The following GRID2 variants were observed in gnomAD, a reference collection of about 807,000 sequenced individuals.
The protein encoded by GRID2 is glutamate ionotropic receptor delta type subunit 2.
In GRID2, 33 loss-of-function variants were observed where a neutral mutation model predicts 114.8. That is an observed-to-expected ratio of 0.29 (90% CI 0.22 to 0.38). The LOEUF is 0.38. Ranked by LOEUF, GRID2 falls within the 10% of genes least tolerant of loss-of-function variation. The pLI, the probability that GRID2 is intolerant of heterozygous loss-of-function variation, is 1.00. For missense variants in GRID2, 1,184 were observed against 1,257.7 expected (o/e 0.94, Z 0.89); for synonymous variants, 505 against 449.9 (o/e 1.12, Z -1.55).
chr4:92,496,580 A>G (rs891820566), intron 1 of GRID2, among the ~76,000 whole-genome samples: 1 of 151,858 alleles, frequency 6.6e-6, no homozygotes, highest in Non-Finnish European at 1.5e-5. Flanking sequence ...GAGAGATTTT[A>G]TAGAGCCTTT....
chr4:93,037,421 T>C (rs534135944), intron 2 of GRID2, among the ~76,000 whole-genome samples: 1 of 152,362 alleles, frequency 6.6e-6, no homozygotes, highest in South Asian at 2.1e-4. Context: ...TTCCTTTTGC[T>C]GTGCAGAAGC....
At chr4:93,245,239 GA>G (rs1232251145) in intron 8 of GRID2, among the ~76,000 whole-genome samples, 1 of 152,038 alleles carries the variant, frequency 6.6e-6, no homozygotes, top group Admixed American at 6.6e-5. Flanking sequence ...ATGAACTAAT[GA>G]ATACATGTGC....
intron 14 of GRID2, among the ~76,000 whole-genome samples, chr4:93,703,230 A>G (rs1727665281): frequency 6.6e-6 from 1 of 152,046 alleles, no homozygotes; most frequent in African/African-American, 2.4e-5. Context: ...TACTTTCCTA[A>G]TTCTTATTGA....
chr4:92,631,481 TTC>T (rs2149246275), intron 2 of GRID2, among the ~76,000 whole-genome samples: 1 of 152,166 alleles, frequency 6.6e-6, no homozygotes, highest in East Asian at 1.9e-4. Flanking sequence ...CAAATGATAC[TTC>T]TCTTACAATC....
intron 1 of GRID2, among the ~76,000 whole-genome samples, chr4:92,441,111 C>T (rs1579365491): frequency 6.6e-6 from 1 of 152,246 alleles, no homozygotes; most frequent in South Asian, 2.1e-4. Context: ...AGAAAGGCTA[C>T]AGGGTGCGGT....
chr4:93,038,803 A>G (rs1427914345), intron 2 of GRID2, among the ~76,000 whole-genome samples: 1 of 151,944 alleles, frequency 6.6e-6, no homozygotes, highest in Non-Finnish European at 1.5e-5. Flanking sequence ...AAGAAAAAAA[A>G]AAGGTCAGGA....
chr4:92,615,120 G>A (rs931825735), intron 2 of GRID2, among the ~76,000 whole-genome samples: 4 of 151,500 alleles, frequency 2.6e-5, no homozygotes, highest in African/African-American at 9.7e-5. Context: ...TGTGCCAACA[G>A]TTCCAGTGCC....
At chr4:92,405,559 C>A (rs1163320198) in intron 1 of GRID2, among the ~76,000 whole-genome samples, 1 of 151,888 alleles carries the variant, frequency 6.6e-6, no homozygotes, top group African/African-American at 2.4e-5. Flanking sequence ...GTGTTAAAAT[C>A]TTTTTATATT....
At chr4:92,398,993 A>T (rs1730645528) in intron 1 of GRID2, among the ~76,000 whole-genome samples, 1 of 152,152 alleles carries the variant, frequency 6.6e-6, no homozygotes, top group African/African-American at 2.4e-5. Context: ...TTGGTAATCT[A>T]TTCATTTTTA....
intron 8 of GRID2, among the ~76,000 whole-genome samples, chr4:93,304,294 T>C (rs750610700): frequency 2.1e-4 from 32 of 149,326 alleles, no homozygotes; most frequent in Non-Finnish European, 3.6e-4. Context: ...GAACCCACTG[T>C]TATCTATGTT....
At chr4:93,090,023 A>G (rs1255721453) in intron 3 of GRID2, among the ~76,000 whole-genome samples, 2 of 152,172 alleles carry the variant, frequency 1.3e-5, no homozygotes, top group East Asian at 1.9e-4. Context: ...CAAAATGTGT[A>G]GTAACACAGG....
chr4:93,163,400 A>ATG (rs1491395984), intron 4 of GRID2, among the ~76,000 whole-genome samples: 1 of 31,666 alleles, frequency 3.2e-5, no homozygotes, highest in Non-Finnish European at 6.1e-5. Context: ...ATATATATAT[A>ATG]CACTATATAT....
chr4:92,909,124 T>C (rs769822803), intron 2 of GRID2, among the ~76,000 whole-genome samples: 1 of 152,166 alleles, frequency 6.6e-6, no homozygotes, highest in African/African-American at 2.4e-5. Flanking sequence ...TATCATATCT[T>C]TAAAAGAATT....
At chr4:93,126,113 T>C (rs1251708794) in intron 4 of GRID2, among the ~76,000 whole-genome samples, 1 of 152,206 alleles carries the variant, frequency 6.6e-6, no homozygotes, top group Admixed American at 6.5e-5. Flanking sequence ...ATAAAAATAA[T>C]GTCAATTTTA....
chr4:92,966,276 T>C (rs983097313), intron 2 of GRID2, among the ~76,000 whole-genome samples: 3 of 151,860 alleles, frequency 2.0e-5, no homozygotes, highest in African/African-American at 7.3e-5. Context: ...AGTTGCCTTA[T>C]AAGGTATAAA....
chr4:92,655,498 G>T (rs1344738781), intron 2 of GRID2, among the ~76,000 whole-genome samples: 2 of 151,660 alleles, frequency 1.3e-5, no homozygotes, highest in East Asian at 3.9e-4. Flanking sequence ...TAATTATTTT[G>T]ATCTGTGAGC....
chr4:93,167,071 G>A (rs1738322462), intron 4 of GRID2, among the ~76,000 whole-genome samples: 1 of 152,188 alleles, frequency 6.6e-6, no homozygotes, highest in Non-Finnish European at 1.5e-5. Context: ...TGTTTCATAA[G>A]AGAGGTAGTG....
At position 92,599,764 on chromosome 4, in the gene GRID2, C is replaced by A. The variant is rs369690624; in HGVS notation, c.244+9478C>A. Reference sequence around the variant, plus strand: ...ATTCCAGGCCATGCACCGTGGCTCACGCCTGTAATCCCAGCACTTTGGGAG... The same window carrying A: ...ATTCCAGGCCATGCACCGTGGCTCAAGCCTGTAATCCCAGCACTTTGGGAG... On this transcript the variant is annotated intron_variant, in intron 2 of 15. Transcript: ENST00000282020. 2.4e-4 allele frequency among the ~76,000 whole-genome samples: 37 copies of A among 151,944 alleles called. No homozygotes were observed. The South Asian group carries it at 7.3e-3, about 30-fold the overall frequency.
At chr4:93,398,758 T>C (rs1765599676) in intron 9 of GRID2, among the ~76,000 whole-genome samples, 1 of 151,578 alleles carries the variant, frequency 6.6e-6, no homozygotes, top group African/African-American at 2.4e-5. Flanking sequence ...TGTTTTTTTT[T>C]TTTTTTTTCA....
Sources: gnomAD v4.1 joint callset for allele counts (sites outside exome capture counted in the v4.1 genomes callset) on GRCh38, gnomAD v4.1.1 for gene constraint, MANE v1.5 for transcripts, NCBI Gene and HGNC (gene_info 2026-07-23, HGNC 2026-07-21) for gene names.